SV2B: variants seen among roughly 807,000 people sequenced by gnomAD.
SV2B encodes the protein solute carrier family 22 member B2.
A neutral mutation model predicts 73.9 loss-of-function variants in SV2B; 41 were observed. The ratio of observed to expected loss-of-function variants is 0.56; its 90% CI spans 0.43 to 0.72. SV2B has a LOEUF of 0.72. Among genes scored for constraint, SV2B ranks in the 30% least tolerant of loss-of-function variants. SV2B has a pLI of 0.00. For synonymous variants in SV2B, 314 were observed against 314.2 expected (o/e 1.00, Z 0.01); for missense variants, 764 against 857.8 (o/e 0.89, Z 1.37).
At chr15:91,193,357 G>GT (rs1175365553) in intron 1 of SV2B, among the ~76,000 whole-genome samples, 4 of 152,192 alleles carry the variant, frequency 2.6e-5, no homozygotes, top group Admixed American at 6.5e-5. Context: ...CTTACTTCCA[G>GT]TGAAGCAGTG....
Position 91,123,122 on chromosome 15 carries a change from A to G in SV2B, c.-392+22759A>G, listed in dbSNP as rs1335043949. On this transcript the variant is annotated intron_variant, in intron 1 of 12. Transcript: ENST00000394232. This position sits in a 1 kb window ranked among gnomAD's most constrained non-coding sequence, Gnocchi z 4.7. Reference sequence around the variant, plus strand: ...CCTGTTTCTACAAAACAAAGTACAAAAATTAGCTAAGCATGGTGGTGTGCG... The same window carrying G: ...CCTGTTTCTACAAAACAAAGTACAAGAATTAGCTAAGCATGGTGGTGTGCG... 6.6e-6 allele frequency among the ~76,000 whole-genome samples: 1 copy of G among 151,908 alleles called. No homozygotes were observed. Among genetic ancestry groups the G allele is most frequent in the Non-Finnish European group, 1.5e-5 (1 of 67,960 alleles).
At chr15:91,246,695 A>T (rs1203936449) in intron 2 of SV2B, among the ~76,000 whole-genome samples, 1 of 150,330 alleles carries the variant, frequency 6.7e-6, no homozygotes, top group East Asian at 1.9e-4. Flanking sequence ...CCACTCCACC[A>T]CATCGCTCCT....
At chr15:91,174,573 A>G (rs1463164113) in intron 1 of SV2B, among the ~76,000 whole-genome samples, 1 of 152,200 alleles carries the variant, frequency 6.6e-6, no homozygotes, top group Non-Finnish European at 1.5e-5. Context: ...TGATTAAATA[A>G]TATTCGTCAT....
chr15:91,124,992 C>G lies in SV2B; in HGVS notation c.-392+24629C>G, dbSNP rs1442719346. Among the ~76,000 whole-genome samples, 2 of 152,126 alleles carry G rather than the reference C, an allele frequency of 1.3e-5. No individual in the cohort carries two copies. Among genetic ancestry groups the G allele is most frequent in the African/African-American group, 4.8e-5 (2 of 41,422 alleles). ...CTGGTGGTTTTGAAGGCTGGAAGTC[C>G]AAGGTCAGGGTGTGGTCAGTGTTGG... On this transcript the variant is annotated intron_variant, in intron 1 of 12. Coordinates refer to ENST00000394232, the MANE Select transcript of SV2B (RefSeq NM_001323032.3). This position sits in a 1 kb window ranked among gnomAD's most constrained non-coding sequence, Gnocchi z 4.6.
At chr15:91,111,205 T>C (rs951774550) in intron 1 of SV2B, among the ~76,000 whole-genome samples, 4 of 152,124 alleles carry the variant, frequency 2.6e-5, no homozygotes, top group Non-Finnish European at 5.9e-5. Context: ...TCCTATCAGG[T>C]TTCTCAGTTT....
intron 1 of SV2B, among the ~76,000 whole-genome samples, chr15:91,133,339 C>G (rs2042714424): frequency 6.6e-6 from 1 of 151,952 alleles, no homozygotes; most frequent in Non-Finnish European, 1.5e-5. Flanking sequence ...CCGCCATCCT[C>G]CTGTTTCACT....
At position 91,224,396 on chromosome 15, in the gene SV2B, G is replaced by A. The variant is rs1030069131; in HGVS notation, c.-391-1477G>A. Among the ~76,000 whole-genome samples the A allele has an allele frequency of 2.0e-5, 3 of 152,178 alleles. No individual in the cohort carries two copies. The highest frequency in any genetic ancestry group is 2.9e-5 in the Non-Finnish European group (2 of 68,012). The stretch of plus-strand genomic sequence containing the variant: ...AGAGGGTCCAGCAGCTGGGAGCACT[G>A]GGGTGGGGTAGGGGGTGTAGGAGGG... On this transcript the variant is annotated intron_variant, in intron 1 of 12. Transcript: ENST00000394232. The surrounding 1 kb of genome is among the most constrained non-coding windows in gnomAD (Gnocchi z 4.9).
intron 1 of SV2B, among the ~76,000 whole-genome samples, chr15:91,219,491 C>T (rs1233620123): frequency 2.0e-5 from 3 of 151,938 alleles, no homozygotes; most frequent in Non-Finnish European, 4.4e-5. Flanking sequence ...GAAAAAAAAT[C>T]TTTATTTAGA....
intron 1 of SV2B, among the ~76,000 whole-genome samples, chr15:91,165,577 G>T (rs952640639): frequency 6.6e-6 from 1 of 152,116 alleles, no homozygotes; most frequent in African/African-American, 2.4e-5. Context: ...TCCACGGAGG[G>T]TGTCCTAGAA....
At chr15:91,186,659 A>T (rs1389705999) in intron 1 of SV2B, among the ~76,000 whole-genome samples, 1 of 152,206 alleles carries the variant, frequency 6.6e-6, no homozygotes, top group Non-Finnish European at 1.5e-5. Flanking sequence ...GAAGCTAAAT[A>T]ATGTGTACTC....
At chr15:91,263,329 CACAT>C (rs2047985939) in intron 6 of SV2B, among the ~76,000 whole-genome samples, 1 of 151,576 alleles carries the variant, frequency 6.6e-6, no homozygotes, top group African/African-American at 2.4e-5. Flanking sequence ...CACAGAGGCA[CACAT>C]ACAGACACAC....
chr15:91,193,436 C>T (rs1596555890), intron 1 of SV2B, among the ~76,000 whole-genome samples: 1 of 152,308 alleles, frequency 6.6e-6, no homozygotes, highest in East Asian at 1.9e-4. Flanking sequence ...AAAACAAAAT[C>T]AGAGCCAGGG....
rs1230578465 is a variant in SV2B at position 91,242,626 on chromosome 15, T to C, written c.452-9193T>C. Among the ~76,000 whole-genome samples the C allele has an allele frequency of 6.6e-6, 1 of 152,044 alleles. No individual in the cohort carries two copies. The highest frequency in any genetic ancestry group is 2.4e-5 in the African/African-American group (1 of 41,392). On this transcript the variant is annotated intron_variant, in intron 2 of 12. Transcript: ENST00000394232. This position sits in a 1 kb window ranked among gnomAD's most constrained non-coding sequence, Gnocchi z 4.9. ...AGAGGAAAGAGCAGTGTGAAGACTC[T>C]GAGGTGGGAGAGAGCATAGGACATC...
At chr15:91,112,783 T>A in intron 1 of SV2B, among the ~76,000 whole-genome samples, 1 of 152,204 alleles carries the variant, frequency 6.6e-6, no homozygotes, top group East Asian at 1.9e-4. Context: ...GAAAACTTAC[T>A]TATAATCCCC....
At chr15:91,162,165 T>C (rs2043743486) in intron 1 of SV2B, among the ~76,000 whole-genome samples, 1 of 152,166 alleles carries the variant, frequency 6.6e-6, no homozygotes, top group South Asian at 2.1e-4. Flanking sequence ...TTCAGTTTTT[T>C]TTGGAGATTG....
chr15:91,157,828 T>C (rs1213026488), intron 1 of SV2B, among the ~76,000 whole-genome samples: 3 of 152,210 alleles, frequency 2.0e-5, no homozygotes, highest in Non-Finnish European at 4.4e-5. Context: ...TTCCACCACC[T>C]GAGCCCTGTC....
intron 1 of SV2B, among the ~76,000 whole-genome samples, chr15:91,127,393 G>A (rs549017728): frequency 2.1e-4 from 32 of 151,982 alleles, no homozygotes; most frequent in African/African-American, 7.0e-4. Context: ...GGCTGTTCCA[G>A]AACAAGCTCA....
In SV2B at chr15:91,295,457, C is replaced by G. The variant is rs563921162; in HGVS notation, c.*2905C>G. 2 of 152,300 alleles carry G rather than the reference C, an allele frequency of 1.3e-5. No individual in the cohort carries two copies. The highest frequency in any genetic ancestry group is 4.8e-5 in the African/African-American group (2 of 41,558). 9.4% of individuals were successfully genotyped at this position (152,300 alleles called of 1,614,324 possible). ...AGAGATTATTTTCAGGCACTAAGGTCTCTTCTGTATTCCAAAATTGATTGA... is the reference window on the plus strand; with the variant it reads ...AGAGATTATTTTCAGGCACTAAGGTGTCTTCTGTATTCCAAAATTGATTGA... On this transcript the variant is annotated 3_prime_UTR_variant, in exon 13 of 13. Transcript: ENST00000394232.
rs1567033300 is a variant in SV2B, at chr15:91,295,576, T to A, written c.*3024T>A. 1 of 152,100 alleles carries A rather than the reference T, an allele frequency of 6.6e-6. No homozygotes were observed. The highest frequency in any genetic ancestry group is 1.5e-5 in the Non-Finnish European group (1 of 68,022). 9.4% of individuals were successfully genotyped at this position (152,100 alleles called of 1,614,324 possible). A position where few individuals can be genotyped will look rare whatever the true frequency, so the allele number is the denominator to read the frequency against. On this transcript the variant is annotated 3_prime_UTR_variant, in exon 13 of 13. Coordinates refer to ENST00000394232, the MANE Select transcript of SV2B (RefSeq NM_001323032.3). ...GTTAAACGATGTGGCCCAGATTACA[T>A]GTAATGTGAGGAGTGGGCGAGAAGG...
Sources: gnomAD v4.1 joint callset for allele counts (sites outside exome capture counted in the v4.1 genomes callset) on GRCh38, gnomAD v4.1.1 for gene constraint, Gnocchi (gnomAD v3.1) non-coding constraint, MANE v1.5 for transcripts, NCBI Gene and HGNC (gene_info 2026-07-23, HGNC 2026-07-21) for gene names.